The following MBNL2 variants were observed in gnomAD, a reference collection of about 807,000 sequenced individuals.
The protein encoded by MBNL2 is muscleblind like splicing regulator 2.
A neutral mutation model predicts 41.9 loss-of-function variants in MBNL2; 17 were observed. The observed-to-expected ratio is 0.41, with a 90% confidence interval of 0.28 to 0.61. The LOEUF (loss-of-function observed/expected upper bound fraction) is 0.61, where lower values mean the gene tolerates loss of function less well. Among genes scored for constraint, MBNL2 ranks in the 20% least tolerant of loss-of-function variants. The pLI is 0.35. For missense variants in MBNL2, 336 were observed against 505.6 expected (o/e 0.66, Z 3.22); for synonymous variants, 195 against 182.9 (o/e 1.07, Z -0.53).
chr13:97,302,069 G>A (rs190333168), intron 2 of MBNL2, among the ~76,000 whole-genome samples: 1 of 152,236 alleles, frequency 6.6e-6, no homozygotes, highest in East Asian at 1.9e-4. Context: ...GCACATACTT[G>A]GAGGTGTGTT....
chr13:97,224,628 C>CAAAAAAAA, intron 1 of MBNL2, among the ~76,000 whole-genome samples: 1 of 107,450 alleles, frequency 9.3e-6, no homozygotes, highest in Non-Finnish European at 1.9e-5. Flanking sequence ...GACCTTTTAC[C>CAAAAAAAA]AAAAAAAAAA....
chr13:97,388,713 T>A (rs965156381), intron 8 of MBNL2, among the ~76,000 whole-genome samples: 7 of 152,150 alleles, frequency 4.6e-5, no homozygotes, highest in African/African-American at 1.7e-4. Context: ...CTGTTCTTGA[T>A]CTGTATCCCT....
the MBNL2 span, among the ~76,000 whole-genome samples, chr13:97,163,857 C>T: frequency 1.3e-5 from 2 of 152,134 alleles, no homozygotes; most frequent in African/African-American, 2.4e-5. Context: ...AGAAGATGCT[C>T]ACATGACCAC....
At chr13:97,152,056 G>T in the MBNL2 span, among the ~76,000 whole-genome samples, 2 of 151,950 alleles carry the variant, frequency 1.3e-5, no homozygotes, top group African/African-American at 4.8e-5. Context: ...AAGAGATAAA[G>T]AAATTTGAAA....
the MBNL2 span, among the ~76,000 whole-genome samples, chr13:97,156,983 G>A: frequency 6.6e-6 from 1 of 150,516 alleles, no homozygotes; most frequent in African/African-American, 2.4e-5. Context: ...ATTACCTTGG[G>A]CAGTATGGCC....
At chr13:97,182,470 T>C in the MBNL2 span, among the ~76,000 whole-genome samples, 1 of 152,220 alleles carries the variant, frequency 6.6e-6, no homozygotes, top group Admixed American at 6.5e-5. Flanking sequence ...CACTATCTTA[T>C]ATGGTGCATA....
At chr13:97,380,784 CCT>C (rs1473328870) in intron 8 of MBNL2, among the ~76,000 whole-genome samples, 1 of 152,072 alleles carries the variant, frequency 6.6e-6, no homozygotes, top group Non-Finnish European at 1.5e-5. Context: ...CTCTCCTCCT[CCT>C]CTAAACATTT....
chr13:97,379,423 A>G (rs74105119), intron 8 of MBNL2, among the ~76,000 whole-genome samples: 6,869 of 152,208 alleles, frequency 0.045, 488 homozygotes, highest in African/African-American at 0.15. Flanking sequence ...AAAAATAAAG[A>G]TACTATTTTT....
intron 1 of MBNL2, among the ~76,000 whole-genome samples, chr13:97,262,796 G>A (rs1017529711): frequency 4.6e-5 from 7 of 151,310 alleles, no homozygotes; most frequent in East Asian, 1.9e-4. Context: ...ACAGAATCTC[G>A]CTCTGTCCCC....
chr13:97,216,845 T>G (rs2040411788), upstream of MBNL2, among the ~76,000 whole-genome samples: 1 of 150,780 alleles, frequency 6.6e-6, no homozygotes, highest in Admixed American at 6.6e-5. Context: ...CATGTGTGCT[T>G]GTGTGTGTGT....
At chr13:97,359,395 T>G (rs952702581) in intron 7 of MBNL2, among the ~76,000 whole-genome samples, 1 of 152,214 alleles carries the variant, frequency 6.6e-6, no homozygotes, top group African/African-American at 2.4e-5. Context: ...GCTCTGGTGC[T>G]AAGCCTGCCA....
chr13:97,166,084 G>T, the MBNL2 span, among the ~76,000 whole-genome samples: 9 of 152,226 alleles, frequency 5.9e-5, no homozygotes, highest in African/African-American at 2.2e-4. Context: ...GTTTGTTAAA[G>T]ATCTAACAGG....
the MBNL2 span, among the ~76,000 whole-genome samples, chr13:97,159,109 G>T: frequency 6.6e-6 from 1 of 152,092 alleles, no homozygotes; most frequent in East Asian, 1.9e-4. Flanking sequence ...ATTTATGATA[G>T]TTAGCTCTTC....
intron 1 of MBNL2, among the ~76,000 whole-genome samples, chr13:97,264,902 C>G (rs2049422035): frequency 6.6e-6 from 1 of 152,346 alleles, no homozygotes; most frequent in South Asian, 2.1e-4. Context: ...TTCTGTCTGG[C>G]TACAGCCATT....
intron 7 of MBNL2, among the ~76,000 whole-genome samples, chr13:97,359,636 T>C (rs2153109677): frequency 6.6e-6 from 1 of 152,316 alleles, no homozygotes; most frequent in African/African-American, 2.4e-5. Flanking sequence ...GCTGCTGTGG[T>C]TGTGTACTTC....
chr13:97,243,165 A>C (rs532635357), intron 1 of MBNL2, among the ~76,000 whole-genome samples: 16 of 152,336 alleles, frequency 1.1e-4, no homozygotes, highest in African/African-American at 3.6e-4. Flanking sequence ...GTTGAACAAA[A>C]GACAATGTCC....
At chr13:97,187,776 G>A in the MBNL2 span, among the ~76,000 whole-genome samples, 1 of 151,594 alleles carries the variant, frequency 6.6e-6, no homozygotes, top group Non-Finnish European at 1.5e-5. Context: ...GAGAGGTGGC[G>A]GGCGCCTGTA....
At chr13:97,301,699 C>G (rs145927197) in intron 2 of MBNL2, among the ~76,000 whole-genome samples, 17 of 152,278 alleles carry the variant, frequency 1.1e-4, no homozygotes, top group African/African-American at 3.6e-4. Flanking sequence ...GAAAGAAACC[C>G]CACAAGTCAG....
the MBNL2 span, among the ~76,000 whole-genome samples, chr13:97,184,108 T>C: frequency 2.6e-5 from 4 of 152,316 alleles, no homozygotes; most frequent in African/African-American, 9.6e-5. Context: ...TGAGGTTCAT[T>C]GAATGGAAGT....
Sources: allele counts gnomAD v4.1 joint callset (sites outside exome capture counted in the v4.1 genomes callset), GRCh38; gene constraint gnomAD v4.1.1; transcripts MANE v1.5; gene names NCBI Gene and HGNC (gene_info 2026-07-23, HGNC 2026-07-21).